Variants in ZGRF1 observed in about 807,000 individuals in gnomAD.
The protein encoded by ZGRF1 is zinc finger GRF-type containing 1.
In ZGRF1, 196 loss-of-function variants were observed where a neutral mutation model predicts 203.5. The observed-to-expected ratio is 0.96, with a 90% CI of 0.86 to 1.08. The LOEUF (loss-of-function observed/expected upper bound fraction) is 1.08. Among genes scored for constraint, ZGRF1 ranks in the 50% least tolerant of loss-of-function variants. ZGRF1 has a pLI of 0.00. For synonymous variants in ZGRF1, 809 were observed against 841.3 expected (o/e 0.96, Z 0.66); for missense variants, 2,326 against 2,416.3 (o/e 0.96, Z 0.78).
chr4:112,577,740 G>A lies in ZGRF1; in HGVS notation c.4438+3923C>T, dbSNP rs1317756476. Among the ~76,000 whole-genome samples the A allele has an allele frequency of 5.7e-4, 70 of 122,628 alleles. 20 individuals carry two copies. Among genetic ancestry groups the A allele is most frequent in the Admixed American group, 3.7e-4 (4 of 10,774 alleles). 80.4% of individuals were successfully genotyped at this position (122,628 alleles called of 152,430 possible). ...ACAAGAAGAGCTAACTATCCTAAAT[G>A]TATATGCACCCAATTACAGGAGCAC... On this transcript the variant is annotated intron_variant, in intron 16 of 27. Transcript: ENST00000505019.
chr4:112,636,455 T>A (rs917471703), intron 1 of ZGRF1, among the ~76,000 whole-genome samples: 9 of 152,186 alleles, frequency 5.9e-5, no homozygotes, highest in African/African-American at 1.9e-4. Context: ...ATAGTTCGGA[T>A]AACAAAGTTT....
Position 112,560,764 on chromosome 4 carries a change from T to C in ZGRF1, c.4929A>G (p.Gln1643=), listed in dbSNP as rs2148890477. The change falls in exon 19 of 28, where the codon CAA becomes CAG. Residue 1643 remains glutamine (Q), a synonymous_variant. Coordinates refer to ENST00000505019, the MANE Select transcript of ZGRF1 (RefSeq NM_018392.5). ...HESIEEVKEL[Q]THTFPITIIH... ...TGATTGTGATAGGGAAGGTATGAGT[T>C]TGCAGTTCCTTCACTTCTTCAATGC... 1.9e-6 allele frequency: 3 copies of C among 1,597,908 alleles called. No homozygotes were observed. The highest frequency in any genetic ancestry group is 2.6e-6 in the Non-Finnish European group (3 of 1,166,822).
chr4:112,560,222 T>C (rs529193032), intron 19 of ZGRF1, among the ~76,000 whole-genome samples: 106 of 152,254 alleles, frequency 7.0e-4, no homozygotes, highest in African/African-American at 2.3e-3. Flanking sequence ...GCCTTCACTG[T>C]GACAGAACCA....
rs1747434220 is a variant in ZGRF1 at position 112,587,645 on chromosome 4, T to G, written c.3412A>C (p.Asn1138His). The change falls in exon 12 of 28, where the codon AAT becomes CAT. Residue 1138 changes from asparagine (N) to histidine (H), a missense_variant. Physicochemically the swap from Asn to His is moderately conservative, Grantham distance 68. Coordinates refer to ENST00000505019, the MANE Select transcript of ZGRF1 (RefSeq NM_018392.5). Reference sequence around the variant, plus strand: ...CACTTGCTCTGAGTAGATATATTATTAAGTGAAACATCCCCTGGATTCACT... The same window carrying G: ...CACTTGCTCTGAGTAGATATATTATGAAGTGAAACATCCCCTGGATTCACT... ...REVNPGDVSL[N>H]NISTQSKWLK... The G allele has an allele frequency of 6.2e-7, 1 of 1,613,808 alleles. No homozygotes were observed. Among genetic ancestry groups the G allele is most frequent in the African/African-American group, 1.3e-5 (1 of 75,042 alleles).
intron 6 of ZGRF1, among the ~76,000 whole-genome samples, chr4:112,616,511 C>A (rs1243453248): frequency 8.6e-5 from 10 of 115,916 alleles, no homozygotes; most frequent in African/African-American, 3.5e-4. Context: ...GGTGACAGAG[C>A]AAGACTGTGT....
At position 112,548,329 on chromosome 4, in the gene ZGRF1, C is replaced by A; in HGVS notation, c.5398G>T (p.Asp1800Tyr). 8 of 1,554,510 alleles carry A rather than the reference C, an allele frequency of 5.1e-6. No homozygotes were observed. The highest frequency in any genetic ancestry group is 7.0e-6 in the Non-Finnish European group (8 of 1,148,320). The change falls in exon 23 of 28, where the codon GAT (aspartate) becomes TAT (tyrosine). Residue 1800 changes from aspartate to tyrosine, a missense_variant. Coordinates refer to ENST00000505019, the MANE Select transcript of ZGRF1 (RefSeq NM_018392.5). ...AGCACAACTACAGGAAATTTAAGAT[C>A]ATTCATGCATGGGAATGGGCAGGCT... ...CAACPFPCMN[D>Y]LKFPVVVLDE...
chr4:112,561,244 G>C (rs1419880185), intron 18 of ZGRF1: 1 of 437,050 alleles, frequency 2.3e-6, no homozygotes, highest in Admixed American at 3.8e-5. Context: ...CATATTACTT[G>C]ATGAAATCTT....
chr4:112,618,116 T>G lies in ZGRF1; in HGVS notation c.1926A>C (p.Leu642Phe), dbSNP rs754673195. ...GKEIEEYSDT[L>F]SNFESFKWTD... ...TCCACTTGAAAGATTCAAAATTGCT[T>G]AATGTGTCACTATACTCCTCTATTT... is the stretch of plus-strand genomic sequence containing the variant. Residue 642 changes from leucine (L) to phenylalanine (F), a missense_variant, in exon 6 of 28, where the codon TTA (leucine) becomes TTC (phenylalanine). Physicochemically the swap from Leu to Phe is conservative, Grantham distance 22. Transcript: ENST00000505019. The G allele has an allele frequency of 6.2e-7, 1 of 1,613,814 alleles. No homozygotes were observed. Among genetic ancestry groups the G allele is most frequent in the Non-Finnish European group, 8.5e-7 (1 of 1,179,896 alleles).
chr4:112,564,974 G>T, intron 16 of ZGRF1: 1 of 846,344 alleles, frequency 1.2e-6, no homozygotes. Flanking sequence ...GGTAAGTAAG[G>T]AGGTCTCTGT....
At chr4:112,605,937 T>C in intron 9 of ZGRF1, 71 bp downstream of exon 9, 1 of 995,908 alleles carries the variant, frequency 1.0e-6, no homozygotes, top group Non-Finnish European at 1.6e-6. Flanking sequence ...ACTTGTTTTT[T>C]TGTTTTTTTG....
At position 112,618,170 on chromosome 4, in the gene ZGRF1, TC is replaced by T; in HGVS notation, c.1871del (p.Gly624GlufsTer12). 3 of 1,613,722 alleles carry T rather than the reference TC, an allele frequency of 1.9e-6. No homozygotes were observed. The highest frequency in any genetic ancestry group is 2.5e-6 in the Non-Finnish European group (3 of 1,179,832). ...TTCCTGTGTTTTCAGTTTTACATAT[TC>T]CCATGTCAAAACCCACATAAGTTTT... ...CDKTYVGFDM[G>X]ICKTENTGKE... is the part of the protein sequence containing the mutation. On this transcript the variant is annotated frameshift_variant, in exon 6 of 28. Coordinates refer to ENST00000505019, the MANE Select transcript of ZGRF1 (RefSeq NM_018392.5). LOFTEE classifies it high-confidence loss of function.
At chr4:112,622,832 A>G (rs111391322) in intron 4 of ZGRF1, among the ~76,000 whole-genome samples, 2,033 of 152,280 alleles carry the variant, frequency 0.013, 35 homozygotes, top group Middle Eastern at 0.027. Context: ...ATTTATTTTT[A>G]ACCTTTAAGT....
At chr4:112,542,909 G>T (rs1262380986) in intron 24 of ZGRF1, among the ~76,000 whole-genome samples, 1 of 151,256 alleles carries the variant, frequency 6.6e-6, no homozygotes, top group Non-Finnish European at 1.5e-5. Context: ...CTGCAGCCTC[G>T]AACTCCTGGA....
intron 8 of ZGRF1, chr4:112,607,894 CT>C (rs1751006989): frequency 6.6e-6 from 1 of 152,116 alleles, no homozygotes; most frequent in Admixed American, 6.6e-5. Flanking sequence ...TGAGCTGTGA[CT>C]GTGCCACTGC....
In ZGRF1 at chr4:112,585,533, A is replaced by G. The variant is rs1747022078; in HGVS notation, c.4101+8T>C. ...TTGGTATGGTAGGGGGAGGGGAAGCAAGAATACCTTATTTGGACCTTCCTT... is the reference window on the plus strand; with the variant it reads ...TTGGTATGGTAGGGGGAGGGGAAGCGAGAATACCTTATTTGGACCTTCCTT... On this transcript the variant is annotated splice_region_variant and intron_variant, in intron 14 of 27. Coordinates refer to ENST00000505019, the MANE Select transcript of ZGRF1 (RefSeq NM_018392.5). 6.2e-7 allele frequency: 1 copy of G among 1,604,574 alleles called. No individual in the cohort carries two copies. The highest frequency in any genetic ancestry group is 8.5e-7 in the Non-Finnish European group (1 of 1,176,142).
In ZGRF1 at chr4:112,601,467, G is replaced by A. The variant is rs138153780; in HGVS notation, c.2976+2057C>T. 7.1e-3 allele frequency among the ~76,000 whole-genome samples: 1,083 copies of A among 151,932 alleles called. 32 individuals carry two copies. The East Asian group carries it at 0.093, about 13-fold the overall frequency. On this transcript the variant is annotated intron_variant, in intron 10 of 27. Transcript: ENST00000505019. ...CGCATGTCTGTAATCCCAGCTACTC[G>A]GGAGGCTGAGGCAGGAGAATTGCTA...
At chr4:112,626,707 C>G (rs1560886187) in intron 3 of ZGRF1, among the ~76,000 whole-genome samples, 1 of 152,190 alleles carries the variant, frequency 6.6e-6, no homozygotes, top group Non-Finnish European at 1.5e-5. Context: ...GACTTCCAAT[C>G]TATACTAGTA....
chr4:112,583,317 C>T lies in ZGRF1; in HGVS notation c.4298+661G>A, dbSNP rs543431507. ...TACCCTATAAGCTATGTAGTTCAGACATGCAAATGATCACTTATTTATTAT... is the reference window on the plus strand; with the variant it reads ...TACCCTATAAGCTATGTAGTTCAGATATGCAAATGATCACTTATTTATTAT... On this transcript the variant is annotated intron_variant, in intron 15 of 27. Transcript: ENST00000505019. 1.2e-4 allele frequency among the ~76,000 whole-genome samples: 19 copies of T among 152,284 alleles called. 1 individual carries two copies. The highest frequency in any genetic ancestry group is 4.1e-4 in the South Asian group (2 of 4,824).
chr4:112,594,026 A>G (rs1289411480), intron 10 of ZGRF1, among the ~76,000 whole-genome samples: 2 of 152,136 alleles, frequency 1.3e-5, no homozygotes, highest in East Asian at 3.9e-4. Context: ...TAGTGCTAAG[A>G]TTACAGGTGT....
Sources: gnomAD v4.1 joint callset for allele counts (sites outside exome capture counted in the v4.1 genomes callset) on GRCh38, gnomAD v4.1.1 for gene constraint, MANE v1.5 for transcripts, NCBI Gene and HGNC (gene_info 2026-07-23, HGNC 2026-07-21) for gene names.